The following ASAP1 variants were observed in gnomAD, a reference collection of about 807,000 sequenced individuals.
ASAP1 encodes the protein ArfGAP with SH3 domain, ankyrin repeat and PH domain 1.
Under a neutral mutation model 145.2 loss-of-function variants are expected in ASAP1, and 43 were observed. That is an observed-to-expected ratio of 0.30 (90% CI 0.23 to 0.38). ASAP1 has a LOEUF of 0.38. Among genes scored for constraint, ASAP1 ranks in the 10% least tolerant of loss-of-function variants. The pLI is 1.00. For synonymous variants in ASAP1, 546 were observed against 515.5 expected (o/e 1.06, Z -0.80); for missense variants, 1,018 against 1,355.3 (o/e 0.75, Z 3.91).
chr8:130,258,839 T>A lies in ASAP1; in HGVS notation c.187-21845A>T, dbSNP rs138169540. On this transcript the variant is annotated intron_variant, in intron 3 of 29. Coordinates refer to ENST00000518721, the MANE Select transcript of ASAP1 (RefSeq NM_018482.4). ...GATAACATACGTGGTGGTTGACTGA[T>A]TTGCTGATTTCTTCCCTGCAAAACT... is the stretch of plus-strand genomic sequence containing the variant. Among the ~76,000 whole-genome samples, 35 of 152,328 alleles carry A rather than the reference T, an allele frequency of 2.3e-4. No individual in the cohort carries two copies. In the East Asian group the frequency reaches 6.0e-3, roughly 26 times the overall value.
intron 2 of ASAP1, among the ~76,000 whole-genome samples, chr8:130,379,311 C>A (rs1307809938): frequency 1.3e-5 from 2 of 152,114 alleles, no homozygotes; most frequent in East Asian, 3.8e-4. Context: ...TTATAATAAA[C>A]CAGTAATAGT....
chr8:130,300,825 T>A (rs1822614824), intron 3 of ASAP1, among the ~76,000 whole-genome samples: 1 of 152,212 alleles, frequency 6.6e-6, no homozygotes, highest in African/African-American at 2.4e-5. Flanking sequence ...GAAGGAGACA[T>A]CATCCAAATC....
At chr8:130,250,988 T>C (rs1415109842) in intron 3 of ASAP1, among the ~76,000 whole-genome samples, 1 of 152,200 alleles carries the variant, frequency 6.6e-6, no homozygotes, top group African/African-American at 2.4e-5. Flanking sequence ...CATGTTTAAC[T>C]CTATACTCCA....
intron 3 of ASAP1, among the ~76,000 whole-genome samples, chr8:130,242,626 GCA>G (rs1408619963): frequency 3.9e-5 from 6 of 152,122 alleles, no homozygotes; most frequent in African/African-American, 1.4e-4. Context: ...AAGTTCTCAT[GCA>G]GCCTCACAGC....
intron 9 of ASAP1, among the ~76,000 whole-genome samples, chr8:130,170,144 A>C (rs968736661): frequency 6.6e-6 from 1 of 152,144 alleles, no homozygotes; most frequent in Non-Finnish European, 1.5e-5. Context: ...AGTGGGCCCA[A>C]CACAAAGCAG....
intron 3 of ASAP1, among the ~76,000 whole-genome samples, chr8:130,293,653 T>C (rs1439044522): frequency 6.6e-6 from 1 of 151,766 alleles, no homozygotes; most frequent in Non-Finnish European, 1.5e-5. Context: ...CTTTGCACAC[T>C]ATAGCCTCAA....
Position 130,437,231 on chromosome 8 carries a change from C to G in ASAP1, c.-28+6229G>C, listed in dbSNP as rs546828029. ...CCCCTTGTTCAGTGCCTGTCATTTG[C>G]TGGGCACTGTGCTGGGCACAAAGGG... On this transcript the variant is annotated intron_variant, in intron 1 of 29. Transcript: ENST00000518721. Among the ~76,000 whole-genome samples, 9 of 151,812 alleles carry G rather than the reference C, an allele frequency of 5.9e-5. No homozygotes were observed. In the South Asian group the frequency reaches 1.4e-3, roughly 24 times the overall value.
chr8:130,255,392 A>C (rs900627085), intron 3 of ASAP1, among the ~76,000 whole-genome samples: 3 of 152,168 alleles, frequency 2.0e-5, no homozygotes, highest in African/African-American at 4.8e-5. Flanking sequence ...GTACCTAATA[A>C]ATGTTTTATG....
At chr8:130,151,484 G>A (rs114673223) in intron 13 of ASAP1, among the ~76,000 whole-genome samples, 132 of 149,782 alleles carry the variant, frequency 8.8e-4, no homozygotes, top group African/African-American at 2.9e-3. Context: ...CTGTAGACAG[G>A]ATTTCTGATA....
chr8:130,135,686 C>T (rs1020901711), intron 14 of ASAP1, among the ~76,000 whole-genome samples: 1 of 152,174 alleles, frequency 6.6e-6, no homozygotes, highest in Non-Finnish European at 1.5e-5. Flanking sequence ...AGGATTAGCA[C>T]TAATGTATAT....
intron 4 of ASAP1, among the ~76,000 whole-genome samples, chr8:130,224,835 A>G (rs10113820): frequency 4.6e-5 from 7 of 152,234 alleles, no homozygotes; most frequent in South Asian, 2.1e-4. Context: ...CTCTGGAAAA[A>G]TATCTTCACA....
intron 1 of ASAP1, among the ~76,000 whole-genome samples, chr8:130,416,719 A>G (rs536224591): frequency 5.3e-4 from 80 of 152,364 alleles, no homozygotes; most frequent in Admixed American, 9.2e-4. Context: ...GATTTGGCTC[A>G]GCTACCTGCT....
intron 2 of ASAP1, among the ~76,000 whole-genome samples, chr8:130,390,938 CG>C (rs746145950): frequency 0.018 from 2,551 of 145,296 alleles, 112 homozygotes; most frequent in African/African-American, 0.059. Flanking sequence ...ATATATCCCC[CG>C]CCCCCCCAAA....
intron 12 of ASAP1, among the ~76,000 whole-genome samples, chr8:130,159,637 T>C (rs1292128998): frequency 6.6e-6 from 1 of 151,566 alleles, no homozygotes. Context: ...GCTGCCTTCC[T>C]ATAATTGCAC....
chr8:130,423,961 G>A (rs1025420478), intron 1 of ASAP1, among the ~76,000 whole-genome samples: 5 of 152,104 alleles, frequency 3.3e-5, no homozygotes, highest in African/African-American at 1.2e-4. Flanking sequence ...TTTTTTGAAG[G>A]GCGGTGATGA....
chr8:130,359,518 T>C (rs1408494974), intron 2 of ASAP1, among the ~76,000 whole-genome samples: 2 of 152,100 alleles, frequency 1.3e-5, no homozygotes, highest in African/African-American at 4.8e-5. Context: ...AGGAGAGCCT[T>C]TGATAGCCTT....
intron 1 of ASAP1, among the ~76,000 whole-genome samples, chr8:130,426,226 C>G (rs1003584945): frequency 2.6e-5 from 4 of 152,118 alleles, no homozygotes; most frequent in Non-Finnish European, 5.9e-5. Context: ...CCTGCTCCGC[C>G]ATGTAAGATG....
chr8:130,196,753 T>G (rs2136286043), intron 5 of ASAP1, among the ~76,000 whole-genome samples: 1 of 152,362 alleles, frequency 6.6e-6, no homozygotes, highest in East Asian at 1.9e-4. Flanking sequence ...GCAAATCTGC[T>G]GACTTGCTCA....
At chr8:130,191,381 G>T (rs576815074) in intron 5 of ASAP1, among the ~76,000 whole-genome samples, 38 of 152,290 alleles carry the variant, frequency 2.5e-4, no homozygotes, top group African/African-American at 6.5e-4. Flanking sequence ...CCTCACTCAA[G>T]AAATGATTTT....
Sources: gnomAD v4.1 joint callset for allele counts (sites outside exome capture counted in the v4.1 genomes callset) on GRCh38, gnomAD v4.1.1 for gene constraint, MANE v1.5 for transcripts, NCBI Gene and HGNC (gene_info 2026-07-23, HGNC 2026-07-21) for gene names.